The following TNFRSF11A variants were observed in gnomAD, a reference collection of about 807,000 sequenced individuals.
TNFRSF11A encodes TNF receptor superfamily member 11a.
A neutral mutation model predicts 55.7 loss-of-function variants in TNFRSF11A; 32 were observed. That is an observed-to-expected ratio of 0.57 (90% confidence interval 0.43 to 0.77). TNFRSF11A has a LOEUF of 0.77. TNFRSF11A is among the 30% of genes least tolerant of loss of function. TNFRSF11A has a pLI of 0.00. For missense variants in TNFRSF11A, 753 were observed against 809.8 expected, an observed-to-expected ratio of 0.93 and a Z score of 0.85; for synonymous variants, 311 against 331.0, an observed-to-expected ratio of 0.94 and a Z score of 0.65.
At chr18:62,355,021 A>C (rs1039321981) in intron 4 of TNFRSF11A, among the ~76,000 whole-genome samples, 1 of 152,214 alleles carries the variant, frequency 6.6e-6, no homozygotes, top group Admixed American at 6.5e-5. Flanking sequence ...AACACTGAAG[A>C]AACGAATCCA....
intron 4 of TNFRSF11A, among the ~76,000 whole-genome samples, chr18:62,356,659 T>G (rs912639418): frequency 2.0e-5 from 3 of 152,198 alleles, no homozygotes; most frequent in African/African-American, 7.2e-5. Flanking sequence ...TCATCCTGCT[T>G]TTGCCCTTAA....
chr18:62,352,162 A>G (rs187650159), intron 3 of TNFRSF11A, among the ~76,000 whole-genome samples: 20 of 152,336 alleles, frequency 1.3e-4, no homozygotes, highest in African/African-American at 4.1e-4. Context: ...GTGTTTTGAT[A>G]CAGCCCAGGC....
At chr18:62,338,317 A>G (rs2046263518) in intron 1 of TNFRSF11A, among the ~76,000 whole-genome samples, 1 of 152,238 alleles carries the variant, frequency 6.6e-6, no homozygotes, top group Middle Eastern at 3.2e-3. Context: ...TAGGATTCCT[A>G]GGTATAGACC....
chr18:62,374,489 G>C (rs1047951628), intron 9 of TNFRSF11A, among the ~76,000 whole-genome samples: 4 of 152,208 alleles, frequency 2.6e-5, no homozygotes, highest in Non-Finnish European at 4.4e-5. Context: ...TGGGTAGTTT[G>C]AGTGTATTTG....
chr18:62,348,362 T>C (rs2046416266), intron 2 of TNFRSF11A, 113 bp downstream of exon 2: 1 of 883,364 alleles, frequency 1.1e-6, no homozygotes, highest in Non-Finnish European at 1.9e-6. Flanking sequence ...GTTATGGTAG[T>C]GGCAGGTGGT....
Position 62,363,136 on chromosome 18 carries a change from G to A in TNFRSF11A, c.730+1343G>A, listed in dbSNP as rs1025349182. 5.3e-5 allele frequency among the ~76,000 whole-genome samples: 8 copies of A among 151,736 alleles called. No individual in the cohort carries two copies. In the East Asian group the frequency reaches 1.2e-3, roughly 22 times the overall value. ...TGGGATTACAGGCGTGAGCCACCAC[G>A]CCTGGCCCAGTTGGTTGCTTATTTA... On this transcript the variant is annotated intron_variant, in intron 7 of 9. Coordinates refer to ENST00000586569, the MANE Select transcript of TNFRSF11A (RefSeq NM_003839.4).
At position 62,389,512 on chromosome 18, in the gene TNFRSF11A, G is replaced by C. The variant is rs906942569; in HGVS notation, c.*4478G>C. On this transcript the variant is annotated 3_prime_UTR_variant, in exon 10 of 10. Transcript: ENST00000586569. ...TGTCCCCCAAGGTTTCAACAAAGAG[G>C]AGGACCGAATAAATGTCCCAGTGGG... 4 of 152,314 alleles carry C rather than the reference G, an allele frequency of 2.6e-5. No homozygotes were observed. The highest frequency in any genetic ancestry group is 6.5e-5 in the Admixed American group (1 of 15,286). The allele number at this position is 152,314 out of a possible 1,614,324, so 9.4% of individuals were successfully genotyped here. A position where few individuals can be genotyped will look rare whatever the true frequency, so the allele number is the denominator to read the frequency against.
Position 62,325,659 on chromosome 18 carries a change from C to A in TNFRSF11A, c.75+232C>A. 6.6e-6 allele frequency among the ~76,000 whole-genome samples: 1 copy of A among 152,174 alleles called. No individual in the cohort carries two copies. The highest frequency in any genetic ancestry group is 2.1e-4 in the South Asian group (1 of 4,836). On this transcript the variant is annotated intron_variant, in intron 1 of 9. Coordinates refer to ENST00000586569, the MANE Select transcript of TNFRSF11A (RefSeq NM_003839.4). This position sits in a 1 kb window ranked among gnomAD's most constrained non-coding sequence, Gnocchi z 4.7. ...CAGAAGGAGCAGGTTGGCGGGACCG[C>A]AACACCCGAAACGGGCTCTTCCAAA...
intron 9 of TNFRSF11A, among the ~76,000 whole-genome samples, chr18:62,378,396 TC>T (rs1351555505): frequency 6.6e-6 from 1 of 152,216 alleles, no homozygotes; most frequent in Non-Finnish European, 1.5e-5. Context: ...ATTGAGGACT[TC>T]GGCAGAGCAA....
intron 1 of TNFRSF11A, among the ~76,000 whole-genome samples, chr18:62,339,349 G>C (rs1245850634): frequency 6.6e-6 from 1 of 152,082 alleles, no homozygotes; most frequent in Non-Finnish European, 1.5e-5. Context: ...ACCCTCCCCA[G>C]CTTGTGCACT....
intron 1 of TNFRSF11A, among the ~76,000 whole-genome samples, chr18:62,346,850 A>G (rs772074670): frequency 2.6e-5 from 4 of 152,168 alleles, no homozygotes; most frequent in Non-Finnish European, 2.9e-5. Context: ...TCATATGCAG[A>G]TGAAGCCCTC....
intron 1 of TNFRSF11A, among the ~76,000 whole-genome samples, chr18:62,330,651 G>A (rs2046138471): frequency 6.6e-6 from 1 of 152,082 alleles, no homozygotes; most frequent in Admixed American, 6.5e-5. Flanking sequence ...GGAGCCTACT[G>A]CCTTGGTTTG....
intron 9 of TNFRSF11A, among the ~76,000 whole-genome samples, chr18:62,377,109 G>A (rs765373043): frequency 1.3e-5 from 2 of 152,144 alleles, no homozygotes; most frequent in Non-Finnish European, 2.9e-5. Flanking sequence ...TAGAGACGGG[G>A]TTTCACTGTG....
chr18:62,340,474 C>T (rs369146983), intron 1 of TNFRSF11A, among the ~76,000 whole-genome samples: 114 of 150,908 alleles, frequency 7.6e-4, no homozygotes, highest in African/African-American at 2.7e-3. Flanking sequence ...GGGTTACAGG[C>T]GTGAGTCACT....
Position 62,369,405 on chromosome 18 carries a change from G to C in TNFRSF11A, c.1488G>C (p.Gly496=). The C allele has an allele frequency of 6.2e-7, 1 of 1,611,770 alleles. No individual in the cohort carries two copies. The highest frequency in any genetic ancestry group is 2.2e-5 in the East Asian group (1 of 44,882). The change falls in exon 9 of 10, where the codon GGG becomes GGC. Residue 496 remains glycine, a synonymous_variant. Coordinates refer to ENST00000586569, the MANE Select transcript of TNFRSF11A (RefSeq NM_003839.4). The part of the protein sequence containing the change: ...RTEARDQPED[G]ADGRLPSSAR... ...AGGCCAGAGACCAGCCCGAGGATGG[G>C]GCTGATGGGAGGCTCCCAAGCTCAG...
intron 1 of TNFRSF11A, among the ~76,000 whole-genome samples, chr18:62,342,401 C>CTAAA (rs2046325654): frequency 1.6e-5 from 1 of 62,228 alleles, no homozygotes; most frequent in African/African-American, 5.2e-5. Context: ...GATTCTGTCT[C>CTAAA]AAAAAAAAAA....
intron 1 of TNFRSF11A, among the ~76,000 whole-genome samples, chr18:62,329,756 C>T (rs1374729981): frequency 1.3e-5 from 2 of 152,130 alleles, no homozygotes; most frequent in African/African-American, 4.8e-5. Flanking sequence ...TATTTCCTGC[C>T]TGCGAGACCA....
intron 1 of TNFRSF11A, among the ~76,000 whole-genome samples, chr18:62,328,432 AC>A (rs1457640167): frequency 4.6e-5 from 7 of 152,028 alleles, no homozygotes; most frequent in African/African-American, 1.4e-4. Context: ...AAAAAAAAAA[AC>A]AACCATATAT....
chr18:62,362,468 C>T (rs1230393094), intron 7 of TNFRSF11A, among the ~76,000 whole-genome samples: 2 of 84,288 alleles, frequency 2.4e-5, no homozygotes, highest in Admixed American at 3.9e-4. Context: ...CCAGCCTGGA[C>T]AACAAGAGCA....
Sources: gnomAD v4.1 joint callset for allele counts (sites outside exome capture counted in the v4.1 genomes callset) on GRCh38, gnomAD v4.1.1 for gene constraint, Gnocchi (gnomAD v3.1) non-coding constraint, MANE v1.5 for transcripts, NCBI Gene and HGNC (gene_info 2026-07-23, HGNC 2026-07-21) for gene names.